Variants in PTPN21 observed in about 807,000 individuals in gnomAD.
PTPN21 encodes tyrosine-protein phosphatase non-receptor type 21.
A neutral mutation model predicts 131.8 loss-of-function variants in PTPN21; 77 were observed. That is an observed-to-expected ratio of 0.58 (90% CI 0.49 to 0.71). PTPN21 has a LOEUF of 0.71. Among genes scored for constraint, PTPN21 ranks in the 30% least tolerant of loss-of-function variants. The pLI, the probability that PTPN21 is intolerant of heterozygous loss-of-function variation, is 0.00. For synonymous variants in PTPN21, 715 were observed against 621.3 expected (o/e 1.15, Z -2.24); for missense variants, 1,552 against 1,527.1 (o/e 1.02, Z -0.27).
chr14:88,528,778 A>C (rs1045021404), intron 2 of PTPN21, among the ~76,000 whole-genome samples: 9 of 152,218 alleles, frequency 5.9e-5, no homozygotes, highest in Non-Finnish European at 1.0e-4. Context: ...AGTCCATTAA[A>C]TCTTCCTTTT....
chr14:88,494,833 G>A (rs971015034), intron 10 of PTPN21, among the ~76,000 whole-genome samples: 38 of 151,604 alleles, frequency 2.5e-4, no homozygotes, highest in Non-Finnish European at 5.3e-4. Flanking sequence ...CCAACATGGT[G>A]AAACCCCATC....
chr14:88,502,284 G>A (rs2078021543), intron 6 of PTPN21, among the ~76,000 whole-genome samples: 2 of 152,076 alleles, frequency 1.3e-5, no homozygotes, highest in South Asian at 4.2e-4. Flanking sequence ...CTGGGCTTTT[G>A]CACATGAGAA....
intron 3 of PTPN21, 78 bp from the exon 4 acceptor site, chr14:88,508,098 T>C (rs140668183): frequency 2.7e-6 from 2 of 752,742 alleles, no homozygotes; most frequent in Non-Finnish European, 2.1e-6. Flanking sequence ...CATAATTTGG[T>C]AGAGAAGCAT....
rs749573614 is a variant in PTPN21 at position 88,468,211 on chromosome 14, C to T, written c.3451G>A (p.Val1151Met). 1 of 1,610,908 alleles carries T rather than the reference C, an allele frequency of 6.2e-7. No individual in the cohort carries two copies. The highest frequency in any genetic ancestry group is 1.3e-5 in the African/African-American group (1 of 74,822). ...AATGTGTACTGGCAGAGAGTCTGCA[C>T]CAGCATCATTCTCTGTTGCCTCAGC... ...DMLRQQRMML[V>M]QTLCQYTFVY... Residue 1151 changes from valine (V) to methionine (M), a missense_variant, in exon 19 of 19, where the codon GTG (valine) becomes ATG (methionine). This residue lies in a region of PTPN21 where 316 missense variants were observed against 378.5 expected (regional missense o/e 0.83). Transcript: ENST00000556564.
rs748973648 is a variant in PTPN21, at chr14:88,500,840, G to A, written c.707C>T (p.Ala236Val). Residue 236 changes from alanine to valine, a missense_variant, in exon 8 of 19, where the codon GCG becomes GTG. Ala to Val is a moderately conservative substitution (Grantham distance 64, BLOSUM62 0). Around this residue, in one of 4 missense-constraint regions of PTPN21, gnomAD observed 1,016 missense variants for 883.5 expected, o/e 1.15. Coordinates refer to ENST00000556564, the MANE Select transcript of PTPN21 (RefSeq NM_007039.4). The stretch of plus-strand genomic sequence containing the variant: ...TTTCACAAAGATACCTTCAAGACAC[G>A]CTCCAATGGATATGTCACTTCCTTG... Reference protein sequence around the residue: ...DSQGSDISIGACLEGIFVKHK... With the variant: ...DSQGSDISIGVCLEGIFVKHK... 67 of 1,613,502 alleles carry A rather than the reference G, an allele frequency of 4.2e-5. No individual in the cohort carries two copies. The highest frequency in any genetic ancestry group is 5.4e-5 in the Non-Finnish European group (64 of 1,179,616).
intron 9 of PTPN21, 85 bp from the exon 10 acceptor site, chr14:88,496,577 T>C: frequency 6.9e-6 from 7 of 1,020,796 alleles, no homozygotes; most frequent in Non-Finnish European, 1.1e-5. Flanking sequence ...AAAGACATAA[T>C]GGGTGACATC....
chr14:88,480,378 A>AT (rs769685631), intron 12 of PTPN21, 26 bp from the exon 13 acceptor site: 10 of 1,532,768 alleles, frequency 6.5e-6, no homozygotes, highest in South Asian at 1.2e-5. Context: ...TCAAAATGAG[A>AT]TTTTTTTAAA....
chr14:88,471,446 C>A (rs1371730202), intron 15 of PTPN21, among the ~76,000 whole-genome samples: 2 of 152,126 alleles, frequency 1.3e-5, no homozygotes, highest in African/African-American at 4.8e-5. Flanking sequence ...CAAGAACATA[C>A]ACTAGGGAAG....
At chr14:88,511,496 C>T (rs1050582135) in intron 3 of PTPN21, among the ~76,000 whole-genome samples, 1 of 152,018 alleles carries the variant, frequency 6.6e-6, no homozygotes, top group South Asian at 2.1e-4. Context: ...CATGGGGAAA[C>T]CCCATCTCCA....
chr14:88,472,508 G>A (rs1416424131), intron 14 of PTPN21, 43 bp from the exon 15 acceptor site: 9 of 1,205,988 alleles, frequency 7.5e-6, no homozygotes, highest in South Asian at 1.3e-5. Flanking sequence ...ACAGCCACAC[G>A]TCGTGGCTAC....
rs1216065156 is a variant in PTPN21 at position 88,518,374 on chromosome 14, A to ATGTG, written c.181-1117_181-1114dup. ...TATATATACATACACGTGTGTGTGT[A>ATGTG]TGTGTGTGTGTGTATATATATATAT... On this transcript the variant is annotated intron_variant, in intron 2 of 18. Transcript: ENST00000556564. Among the ~76,000 whole-genome samples the ATGTG allele has an allele frequency of 1.2e-3, 41 of 34,716 alleles. 1 individual carries two copies. The highest frequency in any genetic ancestry group is 3.3e-3 in the African/African-American group (29 of 8,690). 22.8% of individuals were successfully genotyped at this position (34,716 alleles called of 152,430 possible).
rs1032554574 is a variant in PTPN21 at position 88,467,449 on chromosome 14, C to G, written c.*688G>C. ...TACATTAACTGACTCATTTCAGTAT[C>G]TAAATGAATTGAGCTCTCATTTGAA... On this transcript the variant is annotated 3_prime_UTR_variant, in exon 19 of 19. Coordinates refer to ENST00000556564, the MANE Select transcript of PTPN21 (RefSeq NM_007039.4). The G allele has an allele frequency of 2.0e-5, 3 of 152,080 alleles. No individual in the cohort carries two copies. The highest frequency in any genetic ancestry group is 4.4e-5 in the Non-Finnish European group (3 of 68,036). The allele number at this position is 152,080 out of a possible 1,614,324, so 9.4% of individuals were successfully genotyped here.
At position 88,479,409 on chromosome 14, in the gene PTPN21, C is replaced by A. The variant is rs139194225; in HGVS notation, c.2022G>T (p.Gln674His). The stretch of plus-strand genomic sequence containing the variant: ...GTGTCCTCTCGGTGAAAACGCTGGG[C>A]TGGGAGCCCACCGAGACGGCTCGCG... ...VAPRAVSVGS[Q>H]PSVFTERTQR... The change falls in exon 13 of 19, where the codon CAG (glutamine) becomes CAT (histidine). Residue 674 changes from glutamine (Q) to histidine (H), a missense_variant. Coordinates refer to ENST00000556564, the MANE Select transcript of PTPN21 (RefSeq NM_007039.4). 6.2e-7 allele frequency: 1 copy of A among 1,603,594 alleles called. No individual in the cohort carries two copies. The highest frequency in any genetic ancestry group is 1.3e-5 in the African/African-American group (1 of 74,902).
chr14:88,549,999 TG>T lies in PTPN21; in HGVS notation c.180+238del, dbSNP rs1227248813. On this transcript the variant is annotated intron_variant, in intron 2 of 18. Coordinates refer to ENST00000556564, the MANE Select transcript of PTPN21 (RefSeq NM_007039.4). The stretch of plus-strand genomic sequence containing the variant: ...TGGGGTTTCACCATATTGGCCAGGC[TG>T]GTCTCGAACTCCTGACCTTGTGATT... Among the ~76,000 whole-genome samples the T allele has an allele frequency of 2.0e-5, 3 of 152,128 alleles. No homozygotes were observed. In the East Asian group the frequency reaches 5.8e-4, roughly 29 times the overall value.
chr14:88,535,582 T>C (rs2078618986), intron 2 of PTPN21, among the ~76,000 whole-genome samples: 1 of 152,204 alleles, frequency 6.6e-6, no homozygotes. Context: ...GTACTGATAA[T>C]ACTGAAAAGC....
intron 3 of PTPN21, among the ~76,000 whole-genome samples, chr14:88,510,143 T>G (rs982079046): frequency 2.0e-5 from 3 of 152,210 alleles, no homozygotes; most frequent in Non-Finnish European, 4.4e-5. Context: ...GAATTGACTC[T>G]TCCATATTTG....
rs1325372587 is a variant in PTPN21, at chr14:88,479,493, G to A, written c.1938C>T (p.Gly646=). 3.7e-6 allele frequency: 6 copies of A among 1,601,416 alleles called. No individual in the cohort carries two copies. Among genetic ancestry groups the A allele is most frequent in the Non-Finnish European group, 5.1e-6 (6 of 1,179,192 alleles). ...NSIEVAGLSH[G]LEGLRLKERT... ...GCTCCTTGAGCCGCAGGCCCTCCAG[G>A]CCGTGGCTGAGCCCGGCCACCTCGA... Residue 646 remains glycine, a synonymous_variant, in exon 13 of 19, where the codon GGC becomes GGT. Transcript: ENST00000556564.
At chr14:88,504,629 G>T in intron 5 of PTPN21, 134 bp from the exon 6 acceptor site, 2 of 604,424 alleles carry the variant, frequency 3.3e-6, no homozygotes, top group Non-Finnish European at 5.8e-6. Context: ...TGGGAGCTTT[G>T]TTTACATAGG....
At chr14:88,549,323 T>TG (rs536242218) in intron 2 of PTPN21, among the ~76,000 whole-genome samples, 99 of 152,320 alleles carry the variant, frequency 6.5e-4, no homozygotes, top group Non-Finnish European at 1.2e-3. Flanking sequence ...GGATGACCTT[T>TG]GGGGGTATAT....
Sources: gnomAD v4.1 joint callset for allele counts (sites outside exome capture counted in the v4.1 genomes callset) on GRCh38, gnomAD v4.1.1 for gene constraint, gnomAD v4.1.1 regional missense constraint, MANE v1.5 for transcripts, NCBI Gene and HGNC (gene_info 2026-07-23, HGNC 2026-07-21) for gene names.